CSGALNACT1: variants seen among roughly 807,000 people sequenced by gnomAD.
The protein encoded by CSGALNACT1 is beta4GalNAcT-1.
A neutral mutation model predicts 51.0 loss-of-function variants in CSGALNACT1; 52 were observed. The observed-to-expected ratio is 1.02, with a 90% CI of 0.82 to 1.29. The LOEUF (loss-of-function observed/expected upper bound fraction) is 1.29. CSGALNACT1 is among the 50% of genes most tolerant of loss of function. The pLI is 0.00. For synonymous variants in CSGALNACT1, 341 were observed against 254.4 expected (o/e 1.34, Z -3.24); for missense variants, 935 against 679.2 (o/e 1.38, Z -4.19).
chr8:19,715,809 T>C (rs1484691519), intron 1 of CSGALNACT1, among the ~76,000 whole-genome samples: 1 of 152,178 alleles, frequency 6.6e-6, no homozygotes, highest in Non-Finnish European at 1.5e-5. Flanking sequence ...TGGAGGTTTG[T>C]TGTCTCTGTG....
intron 1 of CSGALNACT1, among the ~76,000 whole-genome samples, chr8:19,714,287 G>A (rs911885224): frequency 6.6e-6 from 1 of 151,548 alleles, no homozygotes; most frequent in East Asian, 1.9e-4. Context: ...TTATAATTTT[G>A]TCTTTCTCTT....
chr8:19,651,369 G>T (rs1175150682), intron 1 of CSGALNACT1, among the ~76,000 whole-genome samples: 1 of 152,078 alleles, frequency 6.6e-6, no homozygotes, highest in Non-Finnish European at 1.5e-5. Flanking sequence ...CGTCACCAAG[G>T]TAACAAGGCT....
chr8:19,671,667 T>C (rs1321397400), intron 1 of CSGALNACT1, among the ~76,000 whole-genome samples: 1 of 152,082 alleles, frequency 6.6e-6, no homozygotes, highest in East Asian at 1.9e-4. Flanking sequence ...CAAGTAAATG[T>C]CAAGTATGTT....
At chr8:19,436,791 G>T (rs982753061) in intron 6 of CSGALNACT1, among the ~76,000 whole-genome samples, 1 of 152,130 alleles carries the variant, frequency 6.6e-6, no homozygotes, top group African/African-American at 2.4e-5. Flanking sequence ...CATGCTTGTA[G>T]TCCCAGCTAC....
In CSGALNACT1 at chr8:19,483,742, G is replaced by T. The variant is rs113381235; in HGVS notation, c.634+21459C>A. Among the ~76,000 whole-genome samples the T allele has an allele frequency of 9.5e-3, 1,446 of 152,268 alleles. 20 individuals carry two copies. Among genetic ancestry groups the T allele is most frequent in the African/African-American group, 0.032 (1,329 of 41,562 alleles). ...TCATCTGTGCAGCCCAGGGCCAGCT[G>T]GGAAACTCTCATTTCTTCATCTTTG... On this transcript the variant is annotated intron_variant, in intron 4 of 9. Transcript: ENST00000454498.
intron 1 of CSGALNACT1, among the ~76,000 whole-genome samples, chr8:19,638,752 A>G (rs2056403676): frequency 1.3e-5 from 2 of 152,144 alleles, no homozygotes; most frequent in African/African-American, 4.8e-5. Context: ...GGCTAGAGAC[A>G]GAGTGTCAAT....
intron 1 of CSGALNACT1, among the ~76,000 whole-genome samples, chr8:19,658,131 G>C (rs563056063): frequency 6.6e-6 from 1 of 151,108 alleles, no homozygotes; most frequent in Non-Finnish European, 1.5e-5. Context: ...TTGGAGATGG[G>C]GCCTTTGGAA....
chr8:19,487,046 A>G (rs931556435), intron 4 of CSGALNACT1, among the ~76,000 whole-genome samples: 13 of 152,214 alleles, frequency 8.5e-5, no homozygotes, highest in South Asian at 4.1e-4. Context: ...TGGGGAAGAA[A>G]GTTAACCTAC....
At chr8:19,604,405 A>G (rs1351154087), upstream of CSGALNACT1, among the ~76,000 whole-genome samples, 1 of 152,230 alleles carries the variant, frequency 6.6e-6, no homozygotes, top group African/African-American at 2.4e-5. Context: ...CAACAATGCT[A>G]TGGATATGTG....
chr8:19,528,933 C>T (rs1472436539), intron 3 of CSGALNACT1, among the ~76,000 whole-genome samples: 3 of 152,162 alleles, frequency 2.0e-5, no homozygotes, highest in Non-Finnish European at 4.4e-5. Context: ...GGGAAGGGCA[C>T]ACAGCCTTCA....
intron 1 of CSGALNACT1, among the ~76,000 whole-genome samples, chr8:19,672,895 G>T (rs2059903064): frequency 6.6e-6 from 1 of 152,268 alleles, no homozygotes; most frequent in South Asian, 2.1e-4. Flanking sequence ...CTTCAGTCTG[G>T]GTTCATGCTA....
chr8:19,450,271 G>A (rs2062929016), intron 5 of CSGALNACT1, among the ~76,000 whole-genome samples: 1 of 132,526 alleles, frequency 7.5e-6, no homozygotes, highest in African/African-American at 2.8e-5. Context: ...GGGAGGAGAG[G>A]GGGGAGGAGA....
Position 19,729,511 on chromosome 8 carries a change from C to T in CSGALNACT1, c.-297+28339G>A, listed in dbSNP as rs138268085. ...GTCCCAGGAGTATTCAAACACAGAC[C>T]GGACAACCTGGGATGCTGTAGAGAG... is the stretch of plus-strand genomic sequence containing the variant. On this transcript the variant is annotated intron_variant, in intron 1 of 1. Transcript: ENST00000517494. Among the ~76,000 whole-genome samples the T allele has an allele frequency of 7.2e-5, 11 of 152,198 alleles. No individual in the cohort carries two copies. The East Asian group carries it at 1.4e-3, about 19-fold the overall frequency.
chr8:19,626,946 T>C (rs1203894590), intron 1 of CSGALNACT1, among the ~76,000 whole-genome samples: 1 of 152,180 alleles, frequency 6.6e-6, no homozygotes, highest in Non-Finnish European at 1.5e-5. Flanking sequence ...CCCTCACACA[T>C]TGCTGGTGGG....
chr8:19,545,091 G>T (rs1214244001), intron 3 of CSGALNACT1, among the ~76,000 whole-genome samples: 1 of 151,994 alleles, frequency 6.6e-6, no homozygotes, highest in African/African-American at 2.4e-5. Flanking sequence ...GAAGCACAGT[G>T]AAGTCACTCC....
intron 2 of CSGALNACT1, among the ~76,000 whole-genome samples, chr8:19,594,244 G>A (rs1287605811): frequency 6.6e-6 from 1 of 152,144 alleles, no homozygotes; most frequent in Admixed American, 6.5e-5. Context: ...AGCTAGAGGT[G>A]TATGAAAAAA....
At chr8:19,636,602 G>C (rs1261124455) in intron 1 of CSGALNACT1, among the ~76,000 whole-genome samples, 1 of 152,154 alleles carries the variant, frequency 6.6e-6, no homozygotes, top group Non-Finnish European at 1.5e-5. Context: ...TCATACACCT[G>C]AACAAGACCT....
intron 3 of CSGALNACT1, among the ~76,000 whole-genome samples, chr8:19,525,095 C>T (rs1032187769): frequency 6.6e-6 from 1 of 152,208 alleles, no homozygotes; most frequent in Non-Finnish European, 1.5e-5. Flanking sequence ...GAAAAGCAAG[C>T]ATGCCCCTTC....
intron 1 of CSGALNACT1, among the ~76,000 whole-genome samples, chr8:19,617,730 A>G (rs2053228203): frequency 6.6e-6 from 1 of 152,216 alleles, no homozygotes; most frequent in South Asian, 2.1e-4. Flanking sequence ...ATTACTTTGC[A>G]TTCATTTTAA....
Sources: allele counts gnomAD v4.1 joint callset (sites outside exome capture counted in the v4.1 genomes callset), GRCh38; gene constraint gnomAD v4.1.1; transcripts MANE v1.5; gene names NCBI Gene and HGNC (gene_info 2026-07-23, HGNC 2026-07-21).